KCNK5: variants seen among roughly 807,000 people sequenced by gnomAD.
KCNK5 encodes the protein potassium two pore domain channel subfamily K member 5, also known as potassium channel subfamily K member 5.
In KCNK5, 18 loss-of-function variants were observed where a neutral mutation model predicts 32.9. That is an observed-to-expected ratio of 0.55 (90% CI 0.38 to 0.81). The LOEUF is 0.81. Among genes scored for constraint, KCNK5 ranks in the 30% least tolerant of loss-of-function variants. KCNK5 has a pLI of 0.00. For missense variants in KCNK5, 507 were observed against 651.0 expected (o/e 0.78, Z 2.41); for synonymous variants, 276 against 275.3 (o/e 1.00, Z -0.03).
chr6:39,199,771 C>A (rs1479312702), intron 1 of KCNK5, among the ~76,000 whole-genome samples: 1 of 152,184 alleles, frequency 6.6e-6, no homozygotes, highest in Non-Finnish European at 1.5e-5. Flanking sequence ...CAGCTCAGCT[C>A]CACCCAAGTG....
In KCNK5 at chr6:39,194,699, G is replaced by A. The variant is rs375314745; in HGVS notation, c.360C>T (p.Leu120=). 47 of 1,614,026 alleles carry A rather than the reference G, an allele frequency of 2.9e-5. No individual in the cohort carries two copies. The highest frequency in any genetic ancestry group is 6.6e-5 in the South Asian group (6 of 91,076). ...AGRLFCVFYG[L]FGVPLCLTWI... is the part of the protein sequence containing the mutation. ...ACGTCAGGCAGAGCGGCACCCCGAA[G>A]AGACCATAGAAAACACAGAAGAGGC... Residue 120 remains leucine, a synonymous_variant, in exon 3 of 5, where the codon CTC becomes CTT. Coordinates refer to ENST00000359534, the MANE Select transcript of KCNK5 (RefSeq NM_003740.4). The surrounding 1 kb of genome is among the most constrained non-coding windows in gnomAD (Gnocchi z 4.7).
At chr6:39,220,164 A>G (rs550009179) in intron 1 of KCNK5, among the ~76,000 whole-genome samples, 2 of 152,262 alleles carry the variant, frequency 1.3e-5, no homozygotes, top group East Asian at 3.9e-4. Context: ...ACACCGTTGA[A>G]CAAAGGGGGT....
In KCNK5 at chr6:39,190,718, C is replaced by A; in HGVS notation, c.*172G>T. The stretch of plus-strand genomic sequence containing the variant: ...TTCAGCTGGAGAACAGAGGCCCTGT[C>A]CCGGGCATACATCTAGCTGAGGATG... On this transcript the variant is annotated 3_prime_UTR_variant, in exon 5 of 5. Transcript: ENST00000359534. 1 of 584,962 alleles carries A rather than the reference C, an allele frequency of 1.7e-6. No individual in the cohort carries two copies. Among genetic ancestry groups the A allele is most frequent in the Non-Finnish European group, 2.8e-6 (1 of 357,798 alleles). 36.2% of individuals were successfully genotyped at this position (584,962 alleles called of 1,614,324 possible). A position where few individuals can be genotyped will look rare whatever the true frequency, so the allele number is the denominator to read the frequency against.
Position 39,229,012 on chromosome 6 carries a change from C to T in KCNK5, c.100G>A (p.Ala34Thr). 6.2e-7 allele frequency: 1 copy of T among 1,614,176 alleles called. No homozygotes were observed. The highest frequency in any genetic ancestry group is 1.1e-5 in the South Asian group (1 of 91,084). Residue 34 changes from alanine to threonine, a missense_variant, in exon 1 of 5, where the codon GCC becomes ACC. Ala to Thr is a moderately conservative substitution (Grantham distance 58). This residue lies in a region of KCNK5 where 143 missense variants were observed against 219.1 expected (regional missense o/e 0.65). Transcript: ENST00000359534. ...EVLEEPHWKE[A>T]KKNYYTQKLH... ...TTCTGTGTGTAGTAGTTTTTCTTGG[C>T]CTCCTTCCAGTGTGGCTCCTCCAGC... is the stretch of plus-strand genomic sequence containing the variant.
chr6:39,190,636 G>T lies in KCNK5; in HGVS notation c.*254C>A. On this transcript the variant is annotated 3_prime_UTR_variant, in exon 5 of 5. Transcript: ENST00000359534. ...CTGTCCCGCCAGCCAGCATGTCTTT[G>T]CATTGTGAGATACACCAGCCAAGCT... is the stretch of plus-strand genomic sequence containing the variant. 2.6e-6 allele frequency: 1 copy of T among 387,856 alleles called. No homozygotes were observed. Among genetic ancestry groups the T allele is most frequent in the Non-Finnish European group, 4.6e-6 (1 of 218,906 alleles). The allele number at this position is 387,856 out of a possible 1,614,324, so 24.0% of individuals were successfully genotyped here.
At chr6:39,193,310 G>A (rs1397110068) in intron 4 of KCNK5, among the ~76,000 whole-genome samples, 1 of 152,180 alleles carries the variant, frequency 6.6e-6, no homozygotes, top group Non-Finnish European at 1.5e-5. Context: ...TCAGGGGAGT[G>A]TTTGTGCCTC....
chr6:39,222,146 AG>A (rs1220911990), intron 1 of KCNK5, among the ~76,000 whole-genome samples: 1 of 152,182 alleles, frequency 6.6e-6, no homozygotes, highest in Non-Finnish European at 1.5e-5. Flanking sequence ...TTCTACATAA[AG>A]GGATAGCGAA....
At chr6:39,206,972 C>G (rs1771236726) in intron 1 of KCNK5, among the ~76,000 whole-genome samples, 1 of 152,336 alleles carries the variant, frequency 6.6e-6, no homozygotes, top group South Asian at 2.1e-4. Context: ...AGGACACCTC[C>G]ATTCTGAGGG....
intron 1 of KCNK5, among the ~76,000 whole-genome samples, chr6:39,200,175 G>A (rs183336693): frequency 2.0e-4 from 30 of 152,314 alleles, no homozygotes; most frequent in African/African-American, 6.5e-4. Flanking sequence ...GGGAGGAGGC[G>A]GCCCCTGTTC....
intron 1 of KCNK5, among the ~76,000 whole-genome samples, chr6:39,212,636 T>C (rs890077798): frequency 6.6e-6 from 1 of 152,232 alleles, no homozygotes; most frequent in Non-Finnish European, 1.5e-5. Context: ...AGGCTGCACT[T>C]GTCCATGGGC....
At chr6:39,223,165 G>A (rs1346064490) in intron 1 of KCNK5, among the ~76,000 whole-genome samples, 1 of 152,190 alleles carries the variant, frequency 6.6e-6, no homozygotes, top group Non-Finnish European at 1.5e-5. Flanking sequence ...GAATATCTGG[G>A]CATAGCAGAA....
rs545205886 is a variant in KCNK5, at chr6:39,198,651, TA to T, written c.187-2665del. Among the ~76,000 whole-genome samples the T allele has an allele frequency of 4.6e-3, 694 of 152,290 alleles. 10 individuals carry two copies. Among genetic ancestry groups the T allele is most frequent in the Middle Eastern group, 0.024 (7 of 294 alleles). On this transcript the variant is annotated intron_variant, in intron 1 of 4. Transcript: ENST00000359534. ...TACTGTCCTGCTGTCACAAGAAAAG[TA>T]AATGCAATCTCAGGCTATGTCAACT...
chr6:39,224,131 A>G (rs1401027011), intron 1 of KCNK5, among the ~76,000 whole-genome samples: 3 of 151,690 alleles, frequency 2.0e-5, no homozygotes, highest in Admixed American at 2.0e-4. Flanking sequence ...TGGAACATAA[A>G]TAAGAAACAA....
intron 1 of KCNK5, among the ~76,000 whole-genome samples, chr6:39,205,767 T>A (rs980499649): frequency 6.6e-6 from 1 of 152,130 alleles, no homozygotes; most frequent in African/African-American, 2.4e-5. Flanking sequence ...CATTCCTCCA[T>A]AAGGCTGTGG....
At chr6:39,218,504 C>G (rs571431771) in intron 1 of KCNK5, among the ~76,000 whole-genome samples, 2 of 152,044 alleles carry the variant, frequency 1.3e-5, no homozygotes, top group South Asian at 4.2e-4. Flanking sequence ...CTAATCCTCA[C>G]CAGGCCTTGG....
At chr6:39,202,538 G>C (rs1047904336) in intron 1 of KCNK5, among the ~76,000 whole-genome samples, 2 of 152,178 alleles carry the variant, frequency 1.3e-5, no homozygotes, top group African/African-American at 4.8e-5. Context: ...AATCAGCAGT[G>C]GAGTGGGAGA....
At chr6:39,206,026 C>T (rs1771218536) in intron 1 of KCNK5, among the ~76,000 whole-genome samples, 2 of 152,266 alleles carry the variant, frequency 1.3e-5, no homozygotes, top group South Asian at 4.2e-4. Context: ...GACCTAAGAC[C>T]CTGAAGGGAA....
chr6:39,215,319 T>A (rs1367743885), intron 1 of KCNK5, among the ~76,000 whole-genome samples: 1 of 152,118 alleles, frequency 6.6e-6, no homozygotes, highest in African/African-American at 2.4e-5. Flanking sequence ...GCCCTTCCAC[T>A]CGCTGCTCTG....
chr6:39,217,689 C>T (rs949061554), intron 1 of KCNK5, among the ~76,000 whole-genome samples: 3 of 152,162 alleles, frequency 2.0e-5, no homozygotes, highest in South Asian at 2.1e-4. Flanking sequence ...TTTGCCGCCA[C>T]GAGAAATGCC....
Sources: gnomAD v4.1 joint callset for allele counts (sites outside exome capture counted in the v4.1 genomes callset) on GRCh38, gnomAD v4.1.1 for gene constraint, gnomAD v4.1.1 regional missense constraint, Gnocchi (gnomAD v3.1) non-coding constraint, MANE v1.5 for transcripts, NCBI Gene and HGNC (gene_info 2026-07-23, HGNC 2026-07-21) for gene names.